The following PLCZ1 variants were observed in gnomAD, a reference collection of about 807,000 sequenced individuals.
The protein encoded by PLCZ1 is 1-phosphatidylinositol 4,5-bisphosphate phosphodiesterase zeta-1.
A neutral mutation model predicts 76.8 loss-of-function variants in PLCZ1; 64 were observed. The observed-to-expected ratio is 0.83, with a 90% confidence interval of 0.68 to 1.03. The LOEUF is 1.03. Among genes scored for constraint, PLCZ1 ranks in the 50% least tolerant of loss-of-function variants. The pLI is 0.00. For synonymous variants in PLCZ1, 248 were observed against 230.8 expected (o/e 1.07, Z -0.68); for missense variants, 751 against 713.7 (o/e 1.05, Z -0.60).
chr12:18,658,564 A>G, the PLCZ1 span, among the ~76,000 whole-genome samples: 1 of 152,152 alleles, frequency 6.6e-6, no homozygotes, highest in African/African-American at 2.4e-5. Context: ...CAACCAAGAG[A>G]TCTATATTTG....
In PLCZ1 at chr12:18,723,529, A is replaced by T. The variant is rs1958577010; in HGVS notation, c.149T>A (p.Leu50Gln). The T allele has an allele frequency of 6.2e-7, 1 of 1,611,942 alleles. No homozygotes were observed. Among genetic ancestry groups the T allele is most frequent in the African/African-American group, 1.3e-5 (1 of 74,858 alleles). ...TTCTATGGTGATTCTTCCTTGTTTC[A>T]GCCTGTCATTGTCCTACTAAAAAAA... ...VKQIFKDNDR[L>Q]KQGRITIEEF... The change falls in exon 4 of 15, where the codon CTG becomes CAG. Residue 50 changes from leucine (L) to glutamine (Q), a missense_variant. Physicochemically the swap from Leu to Gln is moderately radical, Grantham distance 113 (BLOSUM62 -2). Coordinates refer to ENST00000266505, the MANE Select transcript of PLCZ1 (RefSeq NM_033123.4).
chr12:18,696,566 T>G (rs1955071461), intron 10 of PLCZ1, among the ~76,000 whole-genome samples: 1 of 151,822 alleles, frequency 6.6e-6, no homozygotes, highest in Non-Finnish European at 1.5e-5. Context: ...ACACCCAAAT[T>G]ATTTCACTTT....
At position 18,716,496 on chromosome 12, in the gene PLCZ1, G is replaced by A. The variant is rs115513603; in HGVS notation, c.569+2935C>T. Among the ~76,000 whole-genome samples the A allele has an allele frequency of 1.6e-3, 240 of 152,210 alleles. 2 individuals are homozygous for A. The highest frequency in any genetic ancestry group is 5.6e-3 in the African/African-American group (232 of 41,548). On this transcript the variant is annotated intron_variant, in intron 5 of 14. Transcript: ENST00000266505. ...TTACCTTCTCTAATGGTGATGTTGA[G>A]GACACTCCACTATTTAACTTTGAGC... is the stretch of plus-strand genomic sequence containing the variant.
At chr12:18,654,716 G>T in the PLCZ1 span, among the ~76,000 whole-genome samples, 5 of 152,122 alleles carry the variant, frequency 3.3e-5, no homozygotes, top group Non-Finnish European at 7.3e-5. Context: ...TCAGCTCTTG[G>T]TCTGATAAGA....
At chr12:18,670,449 T>C in the PLCZ1 span, among the ~76,000 whole-genome samples, 3 of 151,820 alleles carry the variant, frequency 2.0e-5, no homozygotes, top group Non-Finnish European at 2.9e-5. Context: ...ACCATGAGAG[T>C]TGAAGGGCCT....
the PLCZ1 span, among the ~76,000 whole-genome samples, chr12:18,662,016 A>G: frequency 6.6e-6 from 1 of 152,166 alleles, no homozygotes; most frequent in Non-Finnish European, 1.5e-5. Flanking sequence ...TAAGTGAACT[A>G]ACGCAGGAAC....
intron 3 of PLCZ1, 56 bp from the exon 4 acceptor site, chr12:18,723,598 G>T: frequency 1.6e-6 from 2 of 1,257,220 alleles, no homozygotes; most frequent in South Asian, 1.2e-5. Flanking sequence ...TACATAAAAT[G>T]AATATTAGAG....
Position 18,699,852 on chromosome 12 carries a change from T to A in PLCZ1, c.1116A>T (p.Gln372His). The A allele has an allele frequency of 6.2e-7, 1 of 1,613,478 alleles. No homozygotes were observed. The highest frequency in any genetic ancestry group is 8.5e-7 in the Non-Finnish European group (1 of 1,179,662). Residue 372 changes from glutamine (Q) to histidine (H), a missense_variant, in exon 10 of 15, where the codon CAA becomes CAT. Gln to His is a conservative substitution (Grantham distance 24). Transcript: ENST00000266505. Reference sequence around the variant, plus strand: ...CCCCAATAGAATTATTTTCATTAAATTGCTGATATAATCTTGAATGTTGAA... The same window carrying A: ...CCCCAATAGAATTATTTTCATTAAAATGCTGATATAATCTTGAATGTTGAA... Reference protein sequence around the residue: ...KSFQHSRLYQQFNENNSIGET... With the variant: ...KSFQHSRLYQHFNENNSIGET...
In PLCZ1 at chr12:18,705,015, T is replaced by A. The variant is rs527745281; in HGVS notation, c.864+151A>T. On this transcript the variant is annotated intron_variant, in intron 7 of 14. Transcript: ENST00000266505. ...TTCACCTAAGCATTCATGAGAACAT[T>A]CCCTAGGCAACATTGCAAAAATAAA... 333 of 874,306 alleles carry A rather than the reference T, an allele frequency of 3.8e-4. No homozygotes were observed. In the African/African-American group the frequency reaches 4.9e-3, roughly 13 times the overall value. 54.2% of individuals were successfully genotyped at this position (874,306 alleles called of 1,614,324 possible).
chr12:18,723,110 G>A (rs911931446), intron 4 of PLCZ1, among the ~76,000 whole-genome samples: 43 of 151,904 alleles, frequency 2.8e-4, no homozygotes, highest in Non-Finnish European at 4.4e-5. Context: ...GTATAGGAAA[G>A]GATGTCATGG....
In PLCZ1 at chr12:18,725,868, T is replaced by A. The variant is rs79706003; in HGVS notation, c.136-2326A>T. Among the ~76,000 whole-genome samples the A allele has an allele frequency of 7.8e-3, 1,187 of 152,266 alleles. 17 individuals are homozygous for A. Among genetic ancestry groups the A allele is most frequent in the African/African-American group, 0.028 (1,150 of 41,544 alleles). On this transcript the variant is annotated intron_variant, in intron 3 of 14. Transcript: ENST00000266505. The stretch of plus-strand genomic sequence containing the variant: ...ATCCTTGAAAAAGTGTCACCCACTC[T>A]AGAAATCTTCCTCTGTATCTCCTCC...
At chr12:18,663,227 C>A in the PLCZ1 span, among the ~76,000 whole-genome samples, 1 of 151,918 alleles carries the variant, frequency 6.6e-6, no homozygotes, top group East Asian at 1.9e-4. Flanking sequence ...CTATCCAGAG[C>A]AGTTAGGCAA....
At chr12:18,663,771 G>A in the PLCZ1 span, among the ~76,000 whole-genome samples, 2 of 152,046 alleles carry the variant, frequency 1.3e-5, no homozygotes, top group African/African-American at 4.8e-5. Context: ...ATTGAAAAAT[G>A]TTGTGCATCT....
intron 12 of PLCZ1, chr12:18,693,912 C>T (rs1954541439): frequency 1.3e-6 from 2 of 1,526,434 alleles, no homozygotes; most frequent in Non-Finnish European, 1.8e-6. Context: ...GATGATGTAA[C>T]CCTGCACGAC....
the PLCZ1 span, among the ~76,000 whole-genome samples, chr12:18,658,562 A>C: frequency 2.0e-5 from 3 of 152,256 alleles, no homozygotes; most frequent in South Asian, 6.2e-4. Context: ...ATCAACCAAG[A>C]GATCTATATT....
rs903771683 is a variant in PLCZ1 at position 18,683,182 on chromosome 12, C to T, written c.*57G>A. On this transcript the variant is annotated 3_prime_UTR_variant, in exon 15 of 15. Transcript: ENST00000266505. Reference sequence around the variant, plus strand: ...TTAAAAAAGAAAACATAAAGACATTCATTTTGGCTGTTTTATTGCGATGCA... The same window carrying T: ...TTAAAAAAGAAAACATAAAGACATTTATTTTGGCTGTTTTATTGCGATGCA... 3 of 1,419,068 alleles carry T rather than the reference C, an allele frequency of 2.1e-6. No homozygotes were observed. The highest frequency in any genetic ancestry group is 3.0e-6 in the Non-Finnish European group (3 of 1,004,312). The allele number at this position is 1,419,068 out of a possible 1,614,324, so 87.9% of individuals were successfully genotyped here.
At chr12:18,649,166 G>A in the PLCZ1 span, among the ~76,000 whole-genome samples, 19 of 151,924 alleles carry the variant, frequency 1.3e-4, no homozygotes, top group African/African-American at 4.6e-4. Context: ...TGAAACCTCA[G>A]CAACTCCTCC....
In PLCZ1 at chr12:18,684,129, C is replaced by T; in HGVS notation, c.1741+1G>A. The T allele has an allele frequency of 6.2e-7, 1 of 1,611,194 alleles. No individual in the cohort carries two copies. Among genetic ancestry groups the T allele is most frequent in the Non-Finnish European group, 8.5e-7 (1 of 1,178,392 alleles). The stretch of plus-strand genomic sequence containing the variant: ...AATCATCTAACTTTTAGGGACATTA[C>T]CTTTGTTCATGCATAGAAGTGGCAA... On this transcript the variant is annotated splice_donor_variant, in intron 14 of 14. Coordinates refer to ENST00000266505, the MANE Select transcript of PLCZ1 (RefSeq NM_033123.4). LOFTEE classifies it high-confidence loss of function.
At chr12:18,736,695 G>T (rs1342275194) in intron 2 of PLCZ1, 1 of 1,290,040 alleles carries the variant, frequency 7.8e-7, no homozygotes, top group African/African-American at 1.5e-5. Context: ...CCTCTCACCT[G>T]ACCTCTCTGT....
Sources: allele counts gnomAD v4.1 joint callset (sites outside exome capture counted in the v4.1 genomes callset), GRCh38; gene constraint gnomAD v4.1.1; transcripts MANE v1.5; gene names NCBI Gene and HGNC (gene_info 2026-07-23, HGNC 2026-07-21).